Variants in COL22A1 observed in about 807,000 individuals in gnomAD.
COL22A1 encodes the protein collagen type XXII alpha 1 chain.
COL22A1 carries 221 observed loss-of-function variants against 248.9 expected under a neutral mutation model. The observed-to-expected ratio is 0.89, with a 90% CI of 0.80 to 0.99. The LOEUF (loss-of-function observed/expected upper bound fraction) is 0.99, where lower values mean the gene tolerates loss of function less well. Ranked by LOEUF, COL22A1 falls within the 50% of genes least tolerant of loss-of-function variation. The pLI is 0.00. For missense variants in COL22A1, 2,240 were observed against 2,179.0 expected, an observed-to-expected ratio of 1.03 and a Z score of -0.56; for synonymous variants, 891 against 793.4, an observed-to-expected ratio of 1.12 and a Z score of -2.07.
intron 60 of COL22A1, among the ~76,000 whole-genome samples, 163 bp downstream of exon 60, chr8:138,601,952 G>A (rs1375023537): frequency 6.6e-6 from 1 of 152,198 alleles, no homozygotes; most frequent in Non-Finnish European, 1.5e-5. Context: ...TCCCTTTGTG[G>A]GGCTGGTGAT....
chr8:138,602,703 C>T (rs1818125489), intron 59 of COL22A1, among the ~76,000 whole-genome samples: 1 of 152,218 alleles, frequency 6.6e-6, no homozygotes, highest in Admixed American at 6.5e-5. Flanking sequence ...TCCCACAGTC[C>T]CCACTCCCTT....
At chr8:138,613,749 A>T in intron 56 of COL22A1, 118 bp downstream of exon 56, 1 of 995,328 alleles carries the variant, frequency 1.0e-6, no homozygotes, top group East Asian at 2.4e-5. Context: ...CAACTGCTAA[A>T]ACATATTACA....
intron 15 of COL22A1, among the ~76,000 whole-genome samples, 192 bp from the exon 16 acceptor site, chr8:138,776,202 C>T (rs1331924907): frequency 6.6e-6 from 1 of 152,180 alleles, no homozygotes; most frequent in Non-Finnish European, 1.5e-5. Context: ...GCCTGGGCAG[C>T]AGAGGCAGGC....
chr8:138,802,331 G>C (rs1319956509), intron 11 of COL22A1, among the ~76,000 whole-genome samples: 1 of 151,972 alleles, frequency 6.6e-6, no homozygotes, highest in Admixed American at 6.5e-5. Flanking sequence ...CCAGGTGCTG[G>C]AAACTCTGTG....
At chr8:138,856,679 G>A (rs1192921054) in intron 3 of COL22A1, among the ~76,000 whole-genome samples, 1 of 152,004 alleles carries the variant, frequency 6.6e-6, no homozygotes, top group Non-Finnish European at 1.5e-5. Flanking sequence ...AGAGACAGGA[G>A]AGACAGCAAG....
Position 138,636,813 on chromosome 8 carries a change from G to C in COL22A1, c.3502-18C>G, listed in dbSNP as rs780723218. 27 of 1,603,032 alleles carry C rather than the reference G, an allele frequency of 1.7e-5. 1 individual carries two copies. The East Asian group carries it at 5.6e-4, about 33-fold the overall frequency. On this transcript the variant is annotated intron_variant, in intron 47 of 64. Transcript: ENST00000303045. ...TGACTTCCCTTGAAAGGAAAAAAAAGAAAAGAAAGATGTCACTGGAAATTT... is the reference window on the plus strand; with the variant it reads ...TGACTTCCCTTGAAAGGAAAAAAAACAAAAGAAAGATGTCACTGGAAATTT...
chr8:138,724,698 C>T (rs1163549179), intron 24 of COL22A1, 30 bp from the exon 25 acceptor site: 1 of 1,606,640 alleles, frequency 6.2e-7, no homozygotes, highest in African/African-American at 1.3e-5. Flanking sequence ...ACCCTGTTAG[C>T]CTGGCCTGTT....
chr8:138,646,507 A>G, intron 47 of COL22A1, 122 bp downstream of exon 47: 1 of 702,090 alleles, frequency 1.4e-6, no homozygotes, highest in Non-Finnish European at 2.2e-6. Context: ...TTAGACCCAG[A>G]ACAGGGGTTT....
chr8:138,777,827 A>T (rs1814611390), intron 15 of COL22A1: 1 of 163,386 alleles, frequency 6.1e-6, no homozygotes, highest in Non-Finnish European at 1.3e-5. Context: ...TGCAATAAAC[A>T]TACGTGTGCA....
At chr8:138,661,659 G>T (rs1306008808) in intron 43 of COL22A1, among the ~76,000 whole-genome samples, 1 of 152,324 alleles carries the variant, frequency 6.6e-6, no homozygotes, top group East Asian at 1.9e-4. Flanking sequence ...CCATGGAAAA[G>T]AGAGAGCCAT....
At chr8:138,865,011 T>C (rs1822754938) in intron 3 of COL22A1, among the ~76,000 whole-genome samples, 1 of 152,250 alleles carries the variant, frequency 6.6e-6, no homozygotes, top group South Asian at 2.1e-4. Context: ...GCCATTTATG[T>C]TCACATCTGT....
chr8:138,650,695 TAGATAGATAGATAGATAGATAGAC>T (rs869173112), intron 45 of COL22A1, among the ~76,000 whole-genome samples: 1 of 14,882 alleles, frequency 6.7e-5, no homozygotes, highest in African/African-American at 1.0e-4. Flanking sequence ...GATAGATAGA[TAGATAGATAGATAGATAGATAGAC>T]AGATAGACAG....
intron 52 of COL22A1, among the ~76,000 whole-genome samples, chr8:138,622,409 G>T (rs1819878121): frequency 2.0e-5 from 3 of 152,122 alleles, no homozygotes; most frequent in Admixed American, 2.0e-4. Context: ...AGCTTTTATT[G>T]CTATTGTTAT....
intron 16 of COL22A1, among the ~76,000 whole-genome samples, chr8:138,772,132 A>C (rs1834419770): frequency 6.6e-6 from 1 of 152,034 alleles, no homozygotes; most frequent in Non-Finnish European, 1.5e-5. Flanking sequence ...AAAAAGTCCC[A>C]TTCCACACCT....
At chr8:138,891,925 G>C (rs570534397) in intron 1 of COL22A1, among the ~76,000 whole-genome samples, 1 of 152,344 alleles carries the variant, frequency 6.6e-6, no homozygotes, top group East Asian at 1.9e-4. Context: ...TTATCCTGTT[G>C]ATGTGATGAA....
intron 1 of COL22A1, among the ~76,000 whole-genome samples, chr8:138,883,511 G>A (rs912480548): frequency 2.0e-5 from 3 of 152,146 alleles, no homozygotes; most frequent in Non-Finnish European, 4.4e-5. Flanking sequence ...TGTGCCTGAG[G>A]ACTCCACACC....
intron 36 of COL22A1, among the ~76,000 whole-genome samples, chr8:138,689,566 T>C (rs548980412): frequency 3.7e-4 from 56 of 151,960 alleles, no homozygotes; most frequent in African/African-American, 1.2e-3. Flanking sequence ...AATACAAAAA[T>C]TAGCTGGGCA....
Position 138,596,905 on chromosome 8 carries a change from T to G in COL22A1, c.4431A>C (p.Glu1477Asp), listed in dbSNP as rs1817581164. Residue 1477 changes from glutamate to aspartate, a missense_variant and splice_region_variant, in exon 62 of 65, where the codon GAA becomes GAC. By Grantham distance (45) the Glu-to-Asp change is conservative. Transcript: ENST00000303045. Reference protein sequence around the residue: ...LIQEELGKQLETRLAYLLAQM... With the variant: ...LIQEELGKQLDTRLAYLLAQM... The stretch of plus-strand genomic sequence containing the variant: ...CCGTAACACAGTCCAGATACTCACT[T>G]TCAAGCTGCTTCCCCAGCTCTTCTT... The G allele has an allele frequency of 1.9e-6, 3 of 1,613,886 alleles. No individual in the cohort carries two copies. The South Asian group carries it at 3.3e-5, about 18-fold the overall frequency.
At chr8:138,623,637 G>C in intron 52 of COL22A1, 95 bp downstream of exon 52, 1 of 1,055,620 alleles carries the variant, frequency 9.5e-7, no homozygotes, top group Non-Finnish European at 1.4e-6. Flanking sequence ...GCCTATCTTC[G>C]AGACTGGTTC....
Sources: allele counts gnomAD v4.1 joint callset (sites outside exome capture counted in the v4.1 genomes callset), GRCh38; gene constraint gnomAD v4.1.1; transcripts MANE v1.5; gene names NCBI Gene and HGNC (gene_info 2026-07-23, HGNC 2026-07-21).